Variants in ELMO1 observed in about 807,000 individuals in gnomAD.
ELMO1 encodes engulfment and cell motility 1.
A neutral mutation model predicts 98.9 loss-of-function variants in ELMO1; 26 were observed. That is an observed-to-expected ratio of 0.26 (90% CI 0.19 to 0.36). The LOEUF (loss-of-function observed/expected upper bound fraction) is 0.36. Ranked by LOEUF, ELMO1 falls within the 10% of genes least tolerant of loss-of-function variation. The pLI, the probability that ELMO1 is intolerant of heterozygous loss-of-function variation, is 1.00. For synonymous variants in ELMO1, 346 were observed against 346.0 expected (o/e 1.00, Z 0.00); for missense variants, 627 against 935.2 (o/e 0.67, Z 4.30).
At chr7:37,190,566 T>C in intron 13 of ELMO1, among the ~76,000 whole-genome samples, 1 of 152,164 alleles carries the variant, frequency 6.6e-6, no homozygotes, top group Non-Finnish European at 1.5e-5. Flanking sequence ...AGCGTGATCT[T>C]GGCTCACTGC....
rs114845514 is a variant in ELMO1 at position 36,923,669 on chromosome 7, A to G, written c.1438-28652T>C. Among the ~76,000 whole-genome samples, 312 of 152,348 alleles carry G rather than the reference A, an allele frequency of 2.0e-3. 4 individuals carry two copies. The highest frequency in any genetic ancestry group is 6.9e-3 in the African/African-American group (286 of 41,578). On this transcript the variant is annotated intron_variant, in intron 16 of 21. Coordinates refer to ENST00000310758, the MANE Select transcript of ELMO1 (RefSeq NM_014800.11). ...TGGGATAAGGATCATGCCTTAATCC[A>G]TTCAATTTCATTCAGGGAACTTCTA...
At chr7:36,988,549 A>G (rs1246029407) in intron 16 of ELMO1, among the ~76,000 whole-genome samples, 1 of 152,228 alleles carries the variant, frequency 6.6e-6, no homozygotes, top group Non-Finnish European at 1.5e-5. Context: ...TGTGATATGG[A>G]GTATAAAAAC....
intron 4 of ELMO1, among the ~76,000 whole-genome samples, chr7:37,293,351 A>C (rs1328494206): frequency 1.1e-4 from 12 of 109,762 alleles, no homozygotes; most frequent in Non-Finnish European, 2.2e-4. Context: ...GACATGGGAG[A>C]CTTTTCATTT....
intron 16 of ELMO1, among the ~76,000 whole-genome samples, chr7:36,965,973 T>C (rs1275677908): frequency 1.3e-5 from 2 of 152,216 alleles, no homozygotes; most frequent in African/African-American, 4.8e-5. Context: ...CCAAATGCCT[T>C]CAAAGAAAAA....
chr7:37,384,326 T>C (rs899180619), intron 1 of ELMO1, among the ~76,000 whole-genome samples: 19 of 152,234 alleles, frequency 1.2e-4, no homozygotes, highest in African/African-American at 2.9e-4. Context: ...TGAGGTGTTA[T>C]AGATGCAATA....
intron 16 of ELMO1, among the ~76,000 whole-genome samples, chr7:36,899,895 T>C (rs1018689380): frequency 6.6e-6 from 1 of 152,112 alleles, no homozygotes; most frequent in Non-Finnish European, 1.5e-5. Flanking sequence ...GAAAATATTA[T>C]AGCCAAAGTA....
intron 14 of ELMO1, among the ~76,000 whole-genome samples, chr7:37,114,673 T>C (rs1233013263): frequency 6.6e-6 from 1 of 151,492 alleles, no homozygotes; most frequent in East Asian, 1.9e-4. Context: ...ATATACAAAA[T>C]CAAGCATCTA....
intron 16 of ELMO1, among the ~76,000 whole-genome samples, chr7:36,900,695 C>CA (rs1188930034): frequency 1.3e-5 from 2 of 152,030 alleles, no homozygotes; most frequent in South Asian, 4.2e-4. Flanking sequence ...TCAATACTTA[C>CA]AAAAAAAGTA....
intron 14 of ELMO1, among the ~76,000 whole-genome samples, chr7:37,097,830 G>T (rs1016034399): frequency 6.6e-6 from 1 of 152,080 alleles, no homozygotes; most frequent in African/African-American, 2.4e-5. Context: ...TATTCCTACT[G>T]GTCCCCCTGT....
intron 13 of ELMO1, among the ~76,000 whole-genome samples, chr7:37,133,976 CA>C (rs1787097801): frequency 6.6e-6 from 1 of 152,074 alleles, no homozygotes; most frequent in East Asian, 1.9e-4. Flanking sequence ...AGACATTTTT[CA>C]AAAGAAGACA....
intron 14 of ELMO1, among the ~76,000 whole-genome samples, chr7:37,115,410 G>T (rs1334734723): frequency 6.6e-6 from 1 of 152,116 alleles, no homozygotes; most frequent in Admixed American, 6.6e-5. Flanking sequence ...AACCGAGTAG[G>T]ATTTGTTTCA....
chr7:37,223,445 G>GT (rs1397331850), intron 9 of ELMO1, among the ~76,000 whole-genome samples: 21 of 152,180 alleles, frequency 1.4e-4, no homozygotes, highest in African/African-American at 5.1e-4. Context: ...AAGTTCATGA[G>GT]TATCCCCCAA....
intron 12 of ELMO1, among the ~76,000 whole-genome samples, chr7:37,212,330 A>G (rs1234616167): frequency 1.3e-5 from 2 of 152,210 alleles, no homozygotes; most frequent in Non-Finnish European, 2.9e-5. Context: ...AACAATGTGA[A>G]TGTACTTAAT....
intron 4 of ELMO1, among the ~76,000 whole-genome samples, chr7:37,294,470 T>C (rs1301317271): frequency 2.0e-5 from 3 of 152,104 alleles, no homozygotes; most frequent in African/African-American, 4.8e-5. Context: ...AAGCTGATAA[T>C]TGCGGGTGGG....
chr7:36,920,215 T>G (rs1405799250), intron 16 of ELMO1, among the ~76,000 whole-genome samples: 1 of 152,200 alleles, frequency 6.6e-6, no homozygotes, highest in Non-Finnish European at 1.5e-5. Flanking sequence ...TGAATAGAAG[T>G]CAATGAGTAT....
intron 1 of ELMO1, among the ~76,000 whole-genome samples, chr7:37,356,978 A>G (rs1432522889): frequency 6.6e-6 from 1 of 152,024 alleles, no homozygotes; most frequent in Non-Finnish European, 1.5e-5. Context: ...CTCTTTCCAG[A>G]GGAGTCCTGC....
intron 1 of ELMO1, among the ~76,000 whole-genome samples, chr7:37,382,315 T>G (rs188501260): frequency 2.4e-4 from 36 of 152,354 alleles, no homozygotes; most frequent in Admixed American, 1.4e-3. Context: ...AAGTATACCC[T>G]TCACCCGTAT....
At position 37,010,792 on chromosome 7, in the gene ELMO1, T is replaced by G. The variant is rs150184242; in HGVS notation, c.1437+2507A>C. ...TTTGTTGTATCAGCAACAGAAAAGT[T>G]ATATACGCATGACAAAAATGTAAAT... On this transcript the variant is annotated intron_variant, in intron 16 of 21. Coordinates refer to ENST00000310758, the MANE Select transcript of ELMO1 (RefSeq NM_014800.11). Among the ~76,000 whole-genome samples, 500 of 152,316 alleles carry G rather than the reference T, an allele frequency of 3.3e-3. 1 individual carries two copies. Among genetic ancestry groups the G allele is most frequent in the East Asian group, 4.4e-3 (23 of 5,188 alleles).
chr7:37,127,654 G>T (rs1484370775), intron 14 of ELMO1, among the ~76,000 whole-genome samples: 1 of 152,180 alleles, frequency 6.6e-6, no homozygotes, highest in African/African-American at 2.4e-5. Flanking sequence ...ACGGGAAGGT[G>T]AATATTACCA....
Sources: gnomAD v4.1 joint callset for allele counts (sites outside exome capture counted in the v4.1 genomes callset) on GRCh38, gnomAD v4.1.1 for gene constraint, MANE v1.5 for transcripts, NCBI Gene and HGNC (gene_info 2026-07-23, HGNC 2026-07-21) for gene names.